The following NUP210L variants were observed in gnomAD, a reference collection of about 807,000 sequenced individuals.
The protein encoded by NUP210L is nuclear pore membrane glycoprotein 210-like.
A neutral mutation model predicts 208.5 loss-of-function variants in NUP210L; 74 were observed. That is an observed-to-expected ratio of 0.35 (90% CI 0.29 to 0.43). NUP210L has a LOEUF of 0.43. NUP210L is among the 20% of genes least tolerant of loss of function. The probability of loss-of-function intolerance (pLI) is 1.00; values close to 1 mark genes in which losing one functional copy is unlikely to be tolerated. For synonymous variants in NUP210L, 780 were observed against 816.9 expected (o/e 0.95, Z 0.77); for missense variants, 1,843 against 2,289.4 (o/e 0.81, Z 3.98).
rs780235178 is a variant in NUP210L, at chr1:153,992,905, TGA to T, written c.5595_5596del (p.His1866LeufsTer32). On this transcript the variant is annotated frameshift_variant, in exon 40 of 40. Coordinates refer to ENST00000368559, the Ensembl canonical transcript of NUP210L. LOFTEE classifies it high-confidence loss of function. ...CAATGGAGGTTGTAGACTCATGAAG[TGA>T]GGGGGAGAACTTGTGGAGTTAAAAA... 2 of 1,612,854 alleles carry T rather than the reference TGA, an allele frequency of 1.2e-6. No homozygotes were observed. The highest frequency in any genetic ancestry group is 2.2e-5 in the South Asian group (2 of 90,914).
At chr1:153,993,176 AAAT>A in intron 38 of NUP210L, 87 bp from the exon 39 acceptor site, 1 of 828,060 alleles carries the variant, frequency 1.2e-6, no homozygotes, top group Non-Finnish European at 1.9e-6. Flanking sequence ...ATATTGCTAA[AAAT>A]AATTCTTAAA....
At chr1:154,031,146 T>C (rs1652192693) in intron 27 of NUP210L, among the ~76,000 whole-genome samples, 1 of 152,170 alleles carries the variant, frequency 6.6e-6, no homozygotes. Flanking sequence ...TGGAGTGCAA[T>C]GGCATGATTT....
In NUP210L at chr1:154,117,710, TG is replaced by T; in HGVS notation, c.1620+14del. On this transcript the variant is annotated intron_variant, in intron 12 of 39. Transcript: ENST00000368559. ...GTGTTGTAGGGGTAATAAGAATATC[TG>T]GAGAGTCGTTTACCTTAATTTCTCC... 1 of 1,603,126 alleles carries T rather than the reference TG, an allele frequency of 6.2e-7. No individual in the cohort carries two copies. The highest frequency in any genetic ancestry group is 8.5e-7 in the Non-Finnish European group (1 of 1,172,298).
chr1:154,070,574 T>G, intron 16 of NUP210L, 109 bp from the exon 17 acceptor site: 2 of 775,518 alleles, frequency 2.6e-6, no homozygotes, highest in Non-Finnish European at 1.9e-6. Flanking sequence ...TATTTTTACC[T>G]TAAAAATTTG....
chr1:154,137,974 T>C (rs1658633571), intron 6 of NUP210L, 132 bp downstream of exon 6: 1 of 585,706 alleles, frequency 1.7e-6, no homozygotes, highest in African/African-American at 2.0e-5. Flanking sequence ...ATTAGTTAAG[T>C]ACAGCAATTA....
Position 154,061,069 on chromosome 1 carries a change from A to G in NUP210L, c.2644-23T>C, listed in dbSNP as rs776746381. 3 of 1,514,246 alleles carry G rather than the reference A, an allele frequency of 2.0e-6. No homozygotes were observed. The Admixed American group carries it at 5.0e-5, about 25-fold the overall frequency. 93.8% of individuals were successfully genotyped at this position (1,514,246 alleles called of 1,614,324 possible). A position where few individuals can be genotyped will look rare whatever the true frequency, so the allele number is the denominator to read the frequency against. ...TTCCTAGAAATATAATAAGAACCAC[A>G]AAAGTGAATATAAACATCTAATTCT... On this transcript the variant is annotated intron_variant, in intron 18 of 39. Transcript: ENST00000368559.
intron 37 of NUP210L, among the ~76,000 whole-genome samples, chr1:154,000,328 C>T (rs1187552685): frequency 6.6e-6 from 1 of 152,126 alleles, no homozygotes; most frequent in Non-Finnish European, 1.5e-5. Context: ...GGAATATGTT[C>T]CAAGACCCTC....
At chr1:154,036,753 AT>A (rs1008915030) in intron 27 of NUP210L, among the ~76,000 whole-genome samples, 8 of 151,392 alleles carry the variant, frequency 5.3e-5, no homozygotes, top group Admixed American at 4.0e-4. Flanking sequence ...GCTGGCTTGA[AT>A]TTTTTGGACT....
At position 153,993,228 on chromosome 1, in the gene NUP210L, A is replaced by G. The variant is rs1159397628; in HGVS notation, c.5492-139T>C. 5.0e-6 allele frequency: 3 copies of G among 597,278 alleles called. No homozygotes were observed. The African/African-American group carries it at 5.7e-5, about 11-fold the overall frequency. The allele number at this position is 597,278 out of a possible 1,614,324, so 37.0% of individuals were successfully genotyped here. On this transcript the variant is annotated intron_variant, in intron 38 of 39. Coordinates refer to ENST00000368559, the Ensembl canonical transcript of NUP210L. ...AATGGCACTATTACAGGAAGTTTTT[A>G]TCCCAATTTAACCCATTTTAGAGTT...
intron 16 of NUP210L, among the ~76,000 whole-genome samples, chr1:154,072,776 T>C (rs1034718219): frequency 6.6e-6 from 1 of 152,180 alleles, no homozygotes; most frequent in African/African-American, 2.4e-5. Context: ...CAATTCGAGA[T>C]GGATCAAGGA....
intron 33 of NUP210L, among the ~76,000 whole-genome samples, chr1:154,013,153 C>T (rs1294641547): frequency 2.0e-5 from 3 of 151,776 alleles, no homozygotes; most frequent in Non-Finnish European, 4.4e-5. Context: ...CCACCTTGGC[C>T]TCCCAAAGTG....
exon 1 of NUP210L, chr1:154,154,845 G>C (rs1260739504): frequency 2.5e-6 from 4 of 1,613,408 alleles, no homozygotes; most frequent in Middle Eastern, 1.7e-4. Flanking sequence ...CCCTCACCAA[G>C]TGTAGCAGCC....
intron 12 of NUP210L, among the ~76,000 whole-genome samples, chr1:154,112,879 A>G (rs1657112152): frequency 1.3e-5 from 2 of 148,308 alleles, no homozygotes; most frequent in African/African-American, 4.9e-5. Context: ...AAAAAAGGCC[A>G]GGTGCAGTGG....
chr1:154,119,841 C>T (rs1657521133), intron 10 of NUP210L, among the ~76,000 whole-genome samples: 1 of 152,146 alleles, frequency 6.6e-6, no homozygotes, highest in East Asian at 1.9e-4. Flanking sequence ...GTGAATAGTG[C>T]TGCAATAAAC....
intron 27 of NUP210L, among the ~76,000 whole-genome samples, chr1:154,038,399 A>G (rs965611449): frequency 4.6e-5 from 7 of 150,738 alleles, no homozygotes; most frequent in Non-Finnish European, 1.0e-4. Context: ...CCAGAATGCA[A>G]TGGCACAATT....
intron 2 of NUP210L, among the ~76,000 whole-genome samples, chr1:154,150,113 G>A (rs1442420066): frequency 2.6e-5 from 4 of 152,164 alleles, no homozygotes; most frequent in Non-Finnish European, 5.9e-5. Context: ...GGTGGCTCAC[G>A]CCTGTAATCC....
chr1:154,013,016 A>AAAC (rs1055211539), intron 33 of NUP210L, among the ~76,000 whole-genome samples: 2 of 149,472 alleles, frequency 1.3e-5, no homozygotes, highest in South Asian at 2.1e-4. Flanking sequence ...CAAAAAAAAA[A>AAAC]AAAAAAAACA....
rs763506723 is a variant in NUP210L, at chr1:154,055,834, C to G, written c.3240+981G>C. Among the ~76,000 whole-genome samples, 7 of 152,294 alleles carry G rather than the reference C, an allele frequency of 4.6e-5. No individual in the cohort carries two copies. The South Asian group carries it at 6.2e-4, about 14-fold the overall frequency. On this transcript the variant is annotated intron_variant, in intron 23 of 39. Coordinates refer to ENST00000368559, the Ensembl canonical transcript of NUP210L. The stretch of plus-strand genomic sequence containing the variant: ...CTAAAATAAGTTATATATCTACTCA[C>G]TAGAGTAAAAGTGATCATTAAAATT...
intron 37 of NUP210L, among the ~76,000 whole-genome samples, chr1:154,000,454 G>A (rs1040030583): frequency 7.2e-5 from 11 of 152,118 alleles, no homozygotes; most frequent in Non-Finnish European, 1.3e-4. Context: ...TGGCATACCC[G>A]AATTGCAGGC....
Sources: allele counts gnomAD v4.1 joint callset (sites outside exome capture counted in the v4.1 genomes callset), GRCh38; gene constraint gnomAD v4.1.1; transcripts MANE v1.5; gene names NCBI Gene and HGNC (gene_info 2026-07-23, HGNC 2026-07-21).